ARHGEF28: variants seen among roughly 807,000 people sequenced by gnomAD.
ARHGEF28 encodes the protein Rho guanine nucleotide exchange factor 28.
A neutral mutation model predicts 206.6 loss-of-function variants in ARHGEF28; 152 were observed. That is an observed-to-expected ratio of 0.74 (90% CI 0.64 to 0.84). The LOEUF (loss-of-function observed/expected upper bound fraction) is 0.84, where lower values mean the gene tolerates loss of function less well. Ranked by LOEUF, ARHGEF28 falls within the 40% of genes least tolerant of loss-of-function variation. The pLI, the probability that ARHGEF28 is intolerant of heterozygous loss-of-function variation, is 0.00. For missense variants in ARHGEF28, 2,028 were observed against 2,073.2 expected, an observed-to-expected ratio of 0.98 and a Z score of 0.42; for synonymous variants, 763 against 776.4, an observed-to-expected ratio of 0.98 and a Z score of 0.29.
chr5:73,901,270 G>C lies in ARHGEF28; in HGVS notation c.4060G>C (p.Asp1354His), dbSNP rs768737771. The C allele has an allele frequency of 1.2e-6, 2 of 1,613,032 alleles. No homozygotes were observed. The highest frequency in any genetic ancestry group is 1.7e-4 in the Middle Eastern group (1 of 6,060). The change falls in exon 31 of 36, where the codon GAT becomes CAT. Residue 1354 changes from aspartate to histidine, a missense_variant. This residue lies in a region of ARHGEF28 where 803 missense variants were observed against 768.0 expected (regional missense o/e 1.05). Transcript: ENST00000513042. ...TGTGGTAACCGACTTGGCCGTCTCT[G>C]ATGCAGGGGAGAAGGTATTGTGAAC... ...QGVVTDLAVS[D>H]AGEKVECRNF...
At chr5:73,708,336 A>G (rs1210079496) in intron 2 of ARHGEF28, among the ~76,000 whole-genome samples, 1 of 152,076 alleles carries the variant, frequency 6.6e-6, no homozygotes, top group Admixed American at 6.6e-5. Flanking sequence ...GTAGTTTTTC[A>G]GCCATTACCT....
intron 16 of ARHGEF28, 121 bp downstream of exon 16, chr5:73,858,340 C>A: frequency 7.8e-7 from 1 of 1,276,230 alleles, no homozygotes; most frequent in Non-Finnish European, 1.1e-6. Flanking sequence ...ATGACTGAAC[C>A]GTTTACCAAG....
intron 35 of ARHGEF28, among the ~76,000 whole-genome samples, chr5:73,936,786 T>G (rs1764446618): frequency 6.6e-6 from 1 of 152,214 alleles, no homozygotes; most frequent in Admixed American, 6.5e-5. Context: ...CAGGCTGGTC[T>G]CAAACTCCTG....
chr5:73,747,945 G>A (rs1751819426), intron 2 of ARHGEF28, among the ~76,000 whole-genome samples: 1 of 152,188 alleles, frequency 6.6e-6, no homozygotes, highest in Admixed American at 6.5e-5. Context: ...ATAGTAATAT[G>A]ATCGTTGTTT....
At chr5:73,832,248 CT>C (rs1757343702) in intron 9 of ARHGEF28, 89 bp from the exon 10 acceptor site, 4 of 1,453,342 alleles carry the variant, frequency 2.8e-6, no homozygotes, top group East Asian at 2.4e-5. Flanking sequence ...ATGCACTTGA[CT>C]TTTTTTCTTA....
intron 11 of ARHGEF28, among the ~76,000 whole-genome samples, chr5:73,843,208 T>G (rs984110397): frequency 6.6e-6 from 1 of 152,158 alleles, no homozygotes; most frequent in Non-Finnish European, 1.5e-5. Context: ...ACAGATAGAA[T>G]TTTTCCTCTG....
chr5:73,745,860 T>C (rs1360848989), intron 2 of ARHGEF28, among the ~76,000 whole-genome samples: 1 of 152,138 alleles, frequency 6.6e-6, no homozygotes, highest in Non-Finnish European at 1.5e-5. Context: ...TGAATTCATA[T>C]GTGAAACAGA....
At chr5:73,758,101 C>T (rs1752410360) in intron 4 of ARHGEF28, among the ~76,000 whole-genome samples, 1 of 152,164 alleles carries the variant, frequency 6.6e-6, no homozygotes, top group Non-Finnish European at 1.5e-5. Flanking sequence ...AAGCACCAAG[C>T]TTGCCAACAC....
At chr5:73,730,173 T>TATAAAATG (rs1220632991) in intron 2 of ARHGEF28, among the ~76,000 whole-genome samples, 3 of 152,234 alleles carry the variant, frequency 2.0e-5, no homozygotes, top group African/African-American at 7.2e-5. Flanking sequence ...TTTATAAATT[T>TATAAAATG]ATAAAATGAA....
intron 35 of ARHGEF28, among the ~76,000 whole-genome samples, chr5:73,911,896 A>C (rs1356656304): frequency 1.3e-5 from 2 of 152,144 alleles, no homozygotes; most frequent in African/African-American, 4.8e-5. Context: ...TTTACTCCCC[A>C]CTATTGTGGA....
intron 9 of ARHGEF28, among the ~76,000 whole-genome samples, chr5:73,799,891 A>G (rs1755034877): frequency 6.6e-6 from 1 of 152,138 alleles, no homozygotes; most frequent in South Asian, 2.1e-4. Flanking sequence ...TTGAAGCTCT[A>G]GGCATGAAGC....
intron 2 of ARHGEF28, among the ~76,000 whole-genome samples, chr5:73,688,797 G>C (rs1747627400): frequency 6.6e-6 from 1 of 152,102 alleles, no homozygotes; most frequent in Non-Finnish European, 1.5e-5. Context: ...GGGACTACAG[G>C]TGCATGCCAC....
At position 73,752,897 on chromosome 5, in the gene ARHGEF28, C is replaced by T; in HGVS notation, c.182-12C>T. 2 of 1,613,442 alleles carry T rather than the reference C, an allele frequency of 1.2e-6. No individual in the cohort carries two copies. Among genetic ancestry groups the T allele is most frequent in the Non-Finnish European group, 1.7e-6 (2 of 1,179,724 alleles). On this transcript the variant is annotated splice_polypyrimidine_tract_variant and intron_variant, in intron 3 of 35. Coordinates refer to ENST00000513042, the MANE Select transcript of ARHGEF28 (RefSeq NM_001177693.2). ...AGACTTGGGGTGAACTGTTCACTGTCTTGTTGTCCAGGCCATGGGCTTCAG... is the reference window on the plus strand; with the variant it reads ...AGACTTGGGGTGAACTGTTCACTGTTTTGTTGTCCAGGCCATGGGCTTCAG...
intron 1 of ARHGEF28, among the ~76,000 whole-genome samples, chr5:73,647,423 G>A (rs1744501892): frequency 6.6e-6 from 1 of 152,164 alleles, no homozygotes; most frequent in Non-Finnish European, 1.5e-5. Context: ...AGTCTCATTA[G>A]CCAAAACATC....
Position 73,932,616 on chromosome 5 carries a change from C to T in ARHGEF28, c.4949-8228C>T, listed in dbSNP as rs1003738628. On this transcript the variant is annotated intron_variant, in intron 35 of 35. Transcript: ENST00000513042. Reference sequence around the variant, plus strand: ...TTAGGCTAAATTTAATTTTAATATCCTTTCTAAACATAAGAATTCCAAATT... The same window carrying T: ...TTAGGCTAAATTTAATTTTAATATCTTTTCTAAACATAAGAATTCCAAATT... 5.3e-5 allele frequency among the ~76,000 whole-genome samples: 8 copies of T among 151,966 alleles called. No individual in the cohort carries two copies. The South Asian group carries it at 1.7e-3, about 32-fold the overall frequency.
intron 1 of ARHGEF28, among the ~76,000 whole-genome samples, chr5:73,660,690 A>G (rs1257570892): frequency 6.6e-6 from 1 of 152,242 alleles, no homozygotes; most frequent in African/African-American, 2.4e-5. Flanking sequence ...CATAAAAACA[A>G]CATTAATCTC....
At chr5:73,738,699 A>G (rs1032687161) in intron 2 of ARHGEF28, among the ~76,000 whole-genome samples, 1 of 152,196 alleles carries the variant, frequency 6.6e-6, no homozygotes, top group African/African-American at 2.4e-5. Flanking sequence ...TGAAATAAGA[A>G]TGGATAGTTA....
chr5:73,639,400 A>G (rs945725163), intron 1 of ARHGEF28, among the ~76,000 whole-genome samples: 2 of 151,838 alleles, frequency 1.3e-5, no homozygotes, highest in African/African-American at 4.8e-5. Flanking sequence ...GAGAACATTC[A>G]TATGTTTGTT....
intron 1 of ARHGEF28, among the ~76,000 whole-genome samples, chr5:73,643,557 G>A (rs929602949): frequency 1.3e-5 from 2 of 152,136 alleles, no homozygotes; most frequent in African/African-American, 2.4e-5. Flanking sequence ...GCTCACGCCT[G>A]TAATCCTAGC....
Sources: allele counts gnomAD v4.1 joint callset (sites outside exome capture counted in the v4.1 genomes callset), GRCh38; gene constraint gnomAD v4.1.1; regional missense constraint gnomAD v4.1.1; transcripts MANE v1.5; gene names NCBI Gene and HGNC (gene_info 2026-07-23, HGNC 2026-07-21).